The following MAP3K1 variants were observed in gnomAD, a reference collection of about 807,000 sequenced individuals.
MAP3K1 encodes MAP/ERK kinase kinase 1.
Under a neutral mutation model 144.2 loss-of-function variants are expected in MAP3K1, and 36 were observed. That is an observed-to-expected ratio of 0.25 (90% CI 0.19 to 0.33). MAP3K1 has a LOEUF of 0.33. Ranked by LOEUF, MAP3K1 falls within the 10% of genes least tolerant of loss-of-function variation. The pLI is 1.00. For missense variants in MAP3K1, 1,650 were observed against 1,881.9 expected (o/e 0.88, Z 2.28); for synonymous variants, 718 against 688.7 (o/e 1.04, Z -0.67).
At chr5:56,848,812 T>C (rs1747077712) in intron 1 of MAP3K1, among the ~76,000 whole-genome samples, 1 of 152,196 alleles carries the variant, frequency 6.6e-6, no homozygotes, top group African/African-American at 2.4e-5. Context: ...TATGAGTCAA[T>C]CAGAATCACT....
chr5:56,835,848 A>G (rs540346967), intron 1 of MAP3K1, among the ~76,000 whole-genome samples: 8 of 152,160 alleles, frequency 5.3e-5, no homozygotes, highest in South Asian at 2.1e-4. Context: ...GAGGGGGTCA[A>G]TTGATGGTTA....
rs778388538 is a variant in MAP3K1 at position 56,856,705 on chromosome 5, C to G, written c.588C>G (p.Ala196=). 6.2e-7 allele frequency: 1 copy of G among 1,613,980 alleles called. No homozygotes were observed. The highest frequency in any genetic ancestry group is 8.5e-7 in the Non-Finnish European group (1 of 1,179,928). The change falls in exon 2 of 20, where the codon GCC becomes GCG. Residue 196 remains alanine (A), a synonymous_variant. Coordinates refer to ENST00000399503, the MANE Select transcript of MAP3K1 (RefSeq NM_005921.2). ...AACTGAAGGCAACCTGTATGCCAGCCTGGAAGCACGAATGGTTGGAAAGGA... is the reference window on the plus strand; with the variant it reads ...AACTGAAGGCAACCTGTATGCCAGCGTGGAAGCACGAATGGTTGGAAAGGA... The part of the protein sequence containing the change: ...REKLKATCMP[A]WKHEWLERRN...
chr5:56,865,396 G>T lies in MAP3K1; in HGVS notation c.1092G>T (p.Arg364=). 6.2e-7 allele frequency: 1 copy of T among 1,612,564 alleles called. No homozygotes were observed. The highest frequency in any genetic ancestry group is 2.2e-5 in the East Asian group (1 of 44,748). ...TTCATCTGCTATTTGTGATGCTCCGGGTGTTTCAACTAGAACCTTCAGACC... is the reference window on the plus strand; with the variant it reads ...TTCATCTGCTATTTGTGATGCTCCGTGTGTTTCAACTAGAACCTTCAGACC... ...FCIHLLFVML[R]VFQLEPSDPM... Residue 364 remains arginine, a synonymous_variant, in exon 5 of 20, where the codon CGG becomes CGT. Coordinates refer to ENST00000399503, the MANE Select transcript of MAP3K1 (RefSeq NM_005921.2).
rs1038730867 is a variant in MAP3K1, at chr5:56,816,027, G to C, written c.454G>C (p.Glu152Gln). Residue 152 changes from glutamate to glutamine, a missense_variant, in exon 1 of 20, where the codon GAG (glutamate) becomes CAG (glutamine). Physicochemically the swap from Glu to Gln is conservative, Grantham distance 29. This residue lies in a region of MAP3K1 where 360 missense variants were observed against 274.7 expected (regional missense o/e 1.31). Transcript: ENST00000399503. ...CGGGGAGAAGCGGGCGCCCGCCGCC[G>C]AGCCGTCTCCTGCAGCGGCCCCCGC... ...EPGEKRAPAA[E>Q]PSPAAAPAGR... 8.2e-7 allele frequency: 1 copy of C among 1,220,380 alleles called. No individual in the cohort carries two copies. The highest frequency in any genetic ancestry group is 1.0e-6 in the Non-Finnish European group (1 of 982,586). 75.6% of individuals were successfully genotyped at this position (1,220,380 alleles called of 1,614,324 possible).
At chr5:56,855,175 T>A (rs1747302072) in intron 1 of MAP3K1, among the ~76,000 whole-genome samples, 1 of 151,044 alleles carries the variant, frequency 6.6e-6, no homozygotes. Context: ...CATCCCCCCT[T>A]CCTCTTTCCT....
intron 1 of MAP3K1, among the ~76,000 whole-genome samples, chr5:56,823,448 C>A (rs1746216003): frequency 6.6e-6 from 1 of 152,228 alleles, no homozygotes; most frequent in Non-Finnish European, 1.5e-5. Flanking sequence ...CAGGGTGTCC[C>A]TACTGTCAGT....
chr5:56,834,986 G>T (rs941509180), intron 1 of MAP3K1, among the ~76,000 whole-genome samples: 1 of 152,062 alleles, frequency 6.6e-6, no homozygotes, highest in Non-Finnish European at 1.5e-5. Context: ...CTTATTAGTG[G>T]TAATTCCACC....
chr5:56,863,518 A>AT (rs1747583087), intron 3 of MAP3K1, among the ~76,000 whole-genome samples: 1 of 152,218 alleles, frequency 6.6e-6, no homozygotes, highest in Admixed American at 6.5e-5. Flanking sequence ...TTGTATGGAT[A>AT]TACCACATTT....
At chr5:56,866,121 A>T in intron 6 of MAP3K1, 144 bp downstream of exon 6, 1 of 817,870 alleles carries the variant, frequency 1.2e-6, no homozygotes, top group Non-Finnish European at 2.0e-6. Flanking sequence ...GGGTGAAGAT[A>T]CTAAAAGTTC....
chr5:56,871,005 A>G (rs1747833283), intron 6 of MAP3K1, among the ~76,000 whole-genome samples: 2 of 152,168 alleles, frequency 1.3e-5, no homozygotes, highest in South Asian at 2.1e-4. Flanking sequence ...TTACCAATCT[A>G]TTATTTTTTA....
chr5:56,828,045 G>A (rs1192095495), intron 1 of MAP3K1, among the ~76,000 whole-genome samples: 2 of 152,070 alleles, frequency 1.3e-5, no homozygotes, highest in Non-Finnish European at 2.9e-5. Flanking sequence ...TAATACTCTT[G>A]CAAGTAACTG....
chr5:56,820,535 G>C, intron 1 of MAP3K1: 1 of 985,246 alleles, frequency 1.0e-6, no homozygotes, highest in Non-Finnish European at 1.2e-6. Flanking sequence ...ACTGTATTTG[G>C]ATCACCCTAT....
rs971549264 is a variant in MAP3K1 at position 56,815,662 on chromosome 5, C to A, written c.89C>A (p.Ala30Asp). ...CCTGAGGCAGGCGGCGGCGGAGGAGCCCTCAAGGCGAGCAGCGCGCCCGCG... is the reference window on the plus strand; with the variant it reads ...CCTGAGGCAGGCGGCGGCGGAGGAGACCTCAAGGCGAGCAGCGCGCCCGCG... ...TSPEAGGGGG[A>D]LKASSAPAAA... Residue 30 changes from alanine to aspartate, a missense_variant, in exon 1 of 20, where the codon GCC becomes GAC. Physicochemically the swap from Ala to Asp is moderately radical, Grantham distance 126. Around this residue, in one of 6 missense-constraint regions of MAP3K1, gnomAD observed 360 missense variants for 274.7 expected, o/e 1.31. Coordinates refer to ENST00000399503, the MANE Select transcript of MAP3K1 (RefSeq NM_005921.2). 7.5e-7 allele frequency: 1 copy of A among 1,326,664 alleles called. No individual in the cohort carries two copies. Among genetic ancestry groups the A allele is most frequent in the Non-Finnish European group, 9.6e-7 (1 of 1,039,238 alleles). 82.2% of individuals were successfully genotyped at this position (1,326,664 alleles called of 1,614,324 possible).
intron 17 of MAP3K1, 99 bp from the exon 18 acceptor site, chr5:56,887,279 C>A (rs996640368): frequency 2.3e-5 from 27 of 1,159,504 alleles, no homozygotes; most frequent in Middle Eastern, 4.3e-4. Context: ...TCACTTCTTT[C>A]TTTTGTCATT....
rs1748656219 is a variant in MAP3K1, at chr5:56,894,847, C to T, written c.*1167C>T. On this transcript the variant is annotated 3_prime_UTR_variant, in exon 20 of 20. Coordinates refer to ENST00000399503, the MANE Select transcript of MAP3K1 (RefSeq NM_005921.2). ...TTGCTTTGAACTTGGAAAATGTGTT[C>T]AGAAAGAAAAATGGAATTGAATTTC... 1 of 231,838 alleles carries T rather than the reference C, an allele frequency of 4.3e-6. No homozygotes were observed. The highest frequency in any genetic ancestry group is 8.5e-6 in the Non-Finnish European group (1 of 117,328). The allele number at this position is 231,838 out of a possible 1,614,324, so 14.4% of individuals were successfully genotyped here.
chr5:56,875,247 A>C lies in MAP3K1; in HGVS notation c.1902A>C (p.Ala634=). The change falls in exon 10 of 20, where the codon GCA becomes GCC. Residue 634 remains alanine (A), a synonymous_variant. Transcript: ENST00000399503. The part of the protein sequence containing the change: ...QTSISGDVVE[A]CCSVLSMVCA... ...GTATCTCAGGAGATGTGGTGGAGGC[A>C]TGCTGCAGCGTTCTGTCAATGGTCT... The C allele has an allele frequency of 6.2e-7, 1 of 1,614,174 alleles. No homozygotes were observed. Among genetic ancestry groups the C allele is most frequent in the Non-Finnish European group, 8.5e-7 (1 of 1,180,018 alleles).
At position 56,882,172 on chromosome 5, in the gene MAP3K1, C is replaced by G. The variant is rs769634553; in HGVS notation, c.2972C>G (p.Pro991Arg). The G allele has an allele frequency of 6.2e-7, 1 of 1,614,040 alleles. No homozygotes were observed. The highest frequency in any genetic ancestry group is 8.5e-7 in the Non-Finnish European group (1 of 1,180,038). The change falls in exon 14 of 20, where the codon CCA becomes CGA. Residue 991 changes from proline to arginine, a missense_variant. Pro to Arg is a moderately radical substitution (Grantham distance 103). This residue lies in a region of MAP3K1 where 841 missense variants were observed against 886.5 expected (regional missense o/e 0.95). Transcript: ENST00000399503. ...TTGTCAACCCCTTCTTCTTCTACCCCATCTGTACCAGCTGGCACTGCAACA... is the reference window on the plus strand; with the variant it reads ...TTGTCAACCCCTTCTTCTTCTACCCGATCTGTACCAGCTGGCACTGCAACA... ...PALSTPSSST[P>R]SVPAGTATDV...
At chr5:56,865,712 C>T in intron 5 of MAP3K1, 117 bp from the exon 6 acceptor site, 1 of 1,108,244 alleles carries the variant, frequency 9.0e-7, no homozygotes, top group East Asian at 2.6e-5. Context: ...TTTTGAAGCT[C>T]TTAAATCAAC....
intron 10 of MAP3K1, among the ~76,000 whole-genome samples, chr5:56,876,605 A>G (rs1037438656): frequency 1.3e-5 from 2 of 152,208 alleles, no homozygotes; most frequent in African/African-American, 4.8e-5. Flanking sequence ...ATCTGAACAC[A>G]TGATCAAGAT....
Sources: allele counts gnomAD v4.1 joint callset (sites outside exome capture counted in the v4.1 genomes callset), GRCh38; gene constraint gnomAD v4.1.1; regional missense constraint gnomAD v4.1.1; transcripts MANE v1.5; gene names NCBI Gene and HGNC (gene_info 2026-07-23, HGNC 2026-07-21).